Variants in CLIC2 observed in about 807,000 individuals in gnomAD.
CLIC2 encodes CLIC family member 2.
A neutral mutation model predicts 14.8 loss-of-function variants in CLIC2; 9 were observed. That is an observed-to-expected ratio of 0.61 (90% CI 0.37 to 1.06). The LOEUF (loss-of-function observed/expected upper bound fraction) is 1.06. CLIC2 is among the 50% of genes least tolerant of loss of function. The pLI, the probability that CLIC2 is intolerant of heterozygous loss-of-function variation, is 0.01. For missense variants in CLIC2, 148 were observed against 181.4 expected, an observed-to-expected ratio of 0.82 and a Z score of 1.06; for synonymous variants, 61 against 66.3, an observed-to-expected ratio of 0.92 and a Z score of 0.39.
rs1429614516 is a variant in CLIC2 at position 155,317,602 on chromosome X, G to C, written c.57+16769C>G. On this transcript the variant is annotated intron_variant, in intron 1 of 5. Coordinates refer to ENST00000369449, the MANE Select transcript of CLIC2 (RefSeq NM_001289.6). ...CAACAACAACAAAAGTCCAGGACCAGACAGATTTACAGCTGCATTCTATCT... is the reference window on the plus strand; with the variant it reads ...CAACAACAACAAAAGTCCAGGACCACACAGATTTACAGCTGCATTCTATCT... Among the ~76,000 whole-genome samples the C allele has an allele frequency of 2.7e-5, 3 of 111,619 alleles. No individual in the cohort carries two copies. In the East Asian group the frequency reaches 8.4e-4, roughly 31 times the overall value.
intron 1 of CLIC2, among the ~76,000 whole-genome samples, chrX:155,304,726 C>G (rs1401977739): frequency 2.1e-5 from 2 of 95,005 alleles, no homozygotes; most frequent in Non-Finnish European, 4.4e-5. Flanking sequence ...CTACTTTGGT[C>G]TTTGATGATG....
chrX:155,292,536 C>G (rs782227118), intron 3 of CLIC2: 3 of 463,855 alleles, frequency 6.5e-6, no homozygotes, highest in Non-Finnish European at 7.8e-6. Context: ...TTTGGGAGGC[C>G]GAGGTGGGCA....
At chrX:155,320,023 G>T (rs1451617337) in intron 1 of CLIC2, among the ~76,000 whole-genome samples, 2 of 112,543 alleles carry the variant, frequency 1.8e-5, no homozygotes, top group Non-Finnish European at 3.8e-5. Context: ...CCTCCCTCTG[G>T]GCAGGGCATC....
At chrX:155,291,630 A>G (rs2074965441) in intron 3 of CLIC2, among the ~76,000 whole-genome samples, 1 of 112,155 alleles carries the variant, frequency 8.9e-6, no homozygotes, top group African/African-American at 3.2e-5. Flanking sequence ...TTGCCTATTC[A>G]GTATGAAGCT....
chrX:155,332,897 T>A (rs142991764), intron 1 of CLIC2, among the ~76,000 whole-genome samples: 1 of 112,407 alleles, frequency 8.9e-6, no homozygotes, highest in African/African-American at 3.2e-5. Flanking sequence ...AGTTACCCAG[T>A]GAAGAGACAT....
chrX:155,297,523 T>C (rs782584225), intron 3 of CLIC2, among the ~76,000 whole-genome samples: 21 of 108,194 alleles, frequency 1.9e-4, no homozygotes, highest in Middle Eastern at 4.7e-3. Context: ...TCCCATAATT[T>C]GTACTGATAA....
intron 3 of CLIC2, chrX:155,292,529 G>C: frequency 2.1e-6 from 1 of 484,513 alleles, no homozygotes; most frequent in Non-Finnish European, 3.7e-6. Flanking sequence ...CCAGCACTTT[G>C]GGAGGCCGAG....
intron 3 of CLIC2, among the ~76,000 whole-genome samples, chrX:155,286,719 G>C (rs2074944291): frequency 8.9e-6 from 1 of 112,115 alleles, no homozygotes; most frequent in Admixed American, 9.4e-5. Context: ...GTTTTGATTT[G>C]CATTTCTCCA....
chrX:155,307,895 G>T (rs1234749525), intron 1 of CLIC2, among the ~76,000 whole-genome samples: 1 of 111,201 alleles, frequency 9.0e-6, no homozygotes, highest in South Asian at 3.9e-4. Flanking sequence ...TTGGGCAAAA[G>T]AGAGGAGAGG....
chrX:155,292,715 A>G (rs1459333394), intron 3 of CLIC2: 2 of 380,727 alleles, frequency 5.3e-6, no homozygotes, highest in African/African-American at 5.3e-5. Flanking sequence ...GCTTGCAGTG[A>G]GCCGAGATCG....
intron 3 of CLIC2, among the ~76,000 whole-genome samples, chrX:155,286,112 CTGCTCCTT>C (rs1280277688): frequency 6.2e-5 from 7 of 112,048 alleles, no homozygotes; most frequent in African/African-American, 2.3e-4. Context: ...GTTATCTTTT[CTGCTCCTT>C]TCCCTCCTCC....
chrX:155,310,388 G>C, intron 1 of CLIC2: 1 of 249,919 alleles, frequency 4.0e-6, no homozygotes, highest in Non-Finnish European at 7.9e-6. Flanking sequence ...GTATGTTTCT[G>C]AAGCCAATTT....
At chrX:155,301,206 A>G (rs1336666547) in intron 1 of CLIC2, among the ~76,000 whole-genome samples, 17 of 99,991 alleles carry the variant, frequency 1.7e-4, no homozygotes, top group African/African-American at 5.7e-4. Flanking sequence ...CTTCCTACCC[A>G]TGAGCATGGA....
intron 3 of CLIC2, chrX:155,293,119 G>A (rs2074980528): frequency 1.1e-5 from 7 of 623,322 alleles, no homozygotes; most frequent in Non-Finnish European, 2.0e-5. Flanking sequence ...TTGAGGTGAT[G>A]AGAAGCGGAA....
intron 1 of CLIC2, among the ~76,000 whole-genome samples, chrX:155,303,061 T>C (rs1471122964): frequency 4.3e-5 from 4 of 92,022 alleles, no homozygotes; most frequent in African/African-American, 7.5e-5. Context: ...ATTCTATTGA[T>C]TTGGGGTGGA....
rs181685159 is a variant in CLIC2, at chrX:155,305,529, C to T, written c.58-6384G>A. On this transcript the variant is annotated intron_variant, in intron 1 of 5. Coordinates refer to ENST00000369449, the MANE Select transcript of CLIC2 (RefSeq NM_001289.6). ...CTCAGATGGAAATGCAGAAATCACC[C>T]GTCTTCTGCGTCGCTCATCCTGGGA... Among the ~76,000 whole-genome samples, 776 of 112,201 alleles carry T rather than the reference C, an allele frequency of 6.9e-3. 6 individuals carry two copies. Among genetic ancestry groups the T allele is most frequent in the African/African-American group, 0.024 (736 of 30,927 alleles).
chrX:155,285,348 G>C (rs1162524986), intron 3 of CLIC2, among the ~76,000 whole-genome samples: 1 of 111,717 alleles, frequency 9.0e-6, no homozygotes, highest in Non-Finnish European at 1.9e-5. Context: ...AGAGTGGGTG[G>C]AGATAATTTT....
intron 1 of CLIC2, among the ~76,000 whole-genome samples, chrX:155,325,968 AG>A (rs1557322285): frequency 9.4e-6 from 1 of 106,188 alleles, no homozygotes; most frequent in Non-Finnish European, 1.9e-5. Flanking sequence ...TTGGGAGCTA[AG>A]CTATGAGGAC....
intron 3 of CLIC2, among the ~76,000 whole-genome samples, chrX:155,293,646 C>A (rs2074982689): frequency 8.9e-6 from 1 of 111,851 alleles, no homozygotes. Context: ...AAAACATAAT[C>A]CAACTACATA....
Sources: allele counts gnomAD v4.1 joint callset (sites outside exome capture counted in the v4.1 genomes callset), GRCh38; gene constraint gnomAD v4.1.1; transcripts MANE v1.5; gene names NCBI Gene and HGNC (gene_info 2026-07-23, HGNC 2026-07-21).